Variants in CRYBB2 observed in about 807,000 individuals in gnomAD.
The protein encoded by CRYBB2 is crystallin beta B2.
A neutral mutation model predicts 24.3 loss-of-function variants in CRYBB2; 12 were observed. The ratio of observed to expected loss-of-function variants is 0.49; its 90% CI spans 0.32 to 0.80. The LOEUF (loss-of-function observed/expected upper bound fraction) is 0.80. CRYBB2 is among the 30% of genes least tolerant of loss of function. The pLI is 0.04. For synonymous variants in CRYBB2, 98 were observed against 101.6 expected (o/e 0.96, Z 0.21); for missense variants, 198 against 268.5 (o/e 0.74, Z 1.83).
At chr22:25,218,753 G>T (rs1241101479), upstream of CRYBB2, among the ~76,000 whole-genome samples, 1 of 31,914 alleles carries the variant, frequency 3.1e-5, no homozygotes, top group Non-Finnish European at 5.6e-5. Flanking sequence ...GAGAGAGAGA[G>T]AGAGAGAGAG....
chr22:25,221,767 C>T (rs1935326530), intron 2 of CRYBB2, among the ~76,000 whole-genome samples: 1 of 152,194 alleles, frequency 6.6e-6, no homozygotes, highest in Non-Finnish European at 1.5e-5. Flanking sequence ...ACAGGGCTCC[C>T]TGAAACTGGA....
intron 3 of CRYBB2, among the ~76,000 whole-genome samples, chr22:25,226,166 CTCTGTGTGTGTG>C (rs1569020019): frequency 1.0e-5 from 1 of 99,920 alleles, no homozygotes; most frequent in Non-Finnish European, 2.0e-5. Flanking sequence ...ATTTGGATTT[CTCTGTGTGTGTG>C]TGTGTGTGTG....
intron 2 of CRYBB2, among the ~76,000 whole-genome samples, chr22:25,222,374 T>C (rs937454635): frequency 5.9e-5 from 9 of 152,310 alleles, no homozygotes; most frequent in African/African-American, 2.2e-4. Flanking sequence ...GGGAAGGGGC[T>C]CCTGAGAGTC....
chr22:25,229,258 G>C (rs1935489563), intron 4 of CRYBB2, among the ~76,000 whole-genome samples, 178 bp from the exon 5 acceptor site: 1 of 152,168 alleles, frequency 6.6e-6, no homozygotes. Flanking sequence ...TGGCCCAGTA[G>C]AAACTTAACA....
At chr22:25,226,140 TA>T (rs1198875129) in intron 3 of CRYBB2, among the ~76,000 whole-genome samples, 3 of 151,252 alleles carry the variant, frequency 2.0e-5, no homozygotes, top group Non-Finnish European at 4.4e-5. Context: ...TAACCATTAT[TA>T]AGATTTTGGT....
chr22:25,222,590 T>G (rs1935339991), intron 2 of CRYBB2, among the ~76,000 whole-genome samples: 1 of 151,614 alleles, frequency 6.6e-6, no homozygotes, highest in Non-Finnish European at 1.5e-5. Flanking sequence ...AAATGAAAAA[T>G]GGGGGTCAGG....
At position 25,229,105 on chromosome 22, in the gene CRYBB2, GT is replaced by G. The variant is rs530573264; in HGVS notation, c.307-330del. ...CACATGTGTGGGTGTGCATGTGTGT[GT>G]GTGTGCATGTGTGGGTGTTCACATG... is the stretch of plus-strand genomic sequence containing the variant. On this transcript the variant is annotated intron_variant, in intron 4 of 5. Transcript: ENST00000398215. Among the ~76,000 whole-genome samples the G allele has an allele frequency of 4.4e-3, 664 of 152,246 alleles. 7 individuals are homozygous for G. The highest frequency in any genetic ancestry group is 0.015 in the African/African-American group (625 of 41,546).
chr22:25,217,505 C>T (rs1002932943), upstream of CRYBB2, among the ~76,000 whole-genome samples: 1 of 152,030 alleles, frequency 6.6e-6, no homozygotes, highest in Non-Finnish European at 1.5e-5. Flanking sequence ...TTAGTAGAGA[C>T]GGGGTTTCTC....
At chr22:25,216,536 C>G (rs1370567293), upstream of CRYBB2, among the ~76,000 whole-genome samples, 3 of 152,252 alleles carry the variant, frequency 2.0e-5, no homozygotes, top group East Asian at 1.9e-4. Flanking sequence ...ACCCCTGGAG[C>G]AGGCATGGCC....
At chr22:25,227,605 C>T (rs961449005) in intron 3 of CRYBB2, among the ~76,000 whole-genome samples, 5 of 149,974 alleles carry the variant, frequency 3.3e-5, no homozygotes, top group African/African-American at 7.4e-5. Flanking sequence ...GTTGCTGGGC[C>T]GTTATTTAGA....
intron 3 of CRYBB2, among the ~76,000 whole-genome samples, chr22:25,226,178 G>C (rs200332911): frequency 1.7e-4 from 13 of 77,030 alleles, no homozygotes; most frequent in East Asian, 2.8e-3. Context: ...CTGTGTGTGT[G>C]TGTGTGTGTG....
At chr22:25,230,191 C>T in intron 5 of CRYBB2, among the ~76,000 whole-genome samples, 1 of 148,614 alleles carries the variant, frequency 6.7e-6, no homozygotes, top group Non-Finnish European at 1.5e-5. Context: ...GAGGCGCGCA[C>T]TTTCGCCCTG....
chr22:25,222,334 T>G (rs975724324), intron 2 of CRYBB2, among the ~76,000 whole-genome samples: 2 of 152,070 alleles, frequency 1.3e-5, no homozygotes, highest in African/African-American at 2.4e-5. Flanking sequence ...TTTCCAGTAG[T>G]GAGAAGTGCT....
intron 3 of CRYBB2, among the ~76,000 whole-genome samples, chr22:25,226,089 T>G (rs568557195): frequency 7.9e-5 from 12 of 152,254 alleles, no homozygotes; most frequent in Admixed American, 2.0e-4. Context: ...AGATATGGTT[T>G]AAGGCAAAAA....
chr22:25,227,744 C>G, intron 3 of CRYBB2, 109 bp from the exon 4 acceptor site: 1 of 1,587,314 alleles, frequency 6.3e-7, no homozygotes, highest in Non-Finnish European at 8.6e-7. Flanking sequence ...TACATCTTGC[C>G]GGGCTGGGCA....
At chr22:25,223,611 G>A (rs930801561) in intron 2 of CRYBB2, among the ~76,000 whole-genome samples, 1 of 152,156 alleles carries the variant, frequency 6.6e-6, no homozygotes, top group African/African-American at 2.4e-5. Flanking sequence ...TGTAAAGGCT[G>A]GATTGAGCCC....
chr22:25,219,258 C>T (rs1032901726), upstream of CRYBB2, among the ~76,000 whole-genome samples: 2 of 152,164 alleles, frequency 1.3e-5, no homozygotes, highest in Non-Finnish European at 2.9e-5. Flanking sequence ...ATGAATGAAG[C>T]CCAGACTCTG....
chr22:25,215,811 T>C (rs973984080), upstream of CRYBB2, among the ~76,000 whole-genome samples: 1 of 152,246 alleles, frequency 6.6e-6, no homozygotes, highest in African/African-American at 2.4e-5. Flanking sequence ...CTTAGCTTCC[T>C]TATCTGTATT....
Position 25,229,471 on chromosome 22 carries a change from C to A in CRYBB2, c.342C>A (p.Asn114Lys). ...SQEHKIILYE[N>K]PNFTGKKMEI... ...AGCACAAGATCATCCTCTATGAAAACCCCAACTTCACCGGGAAGAAGATGG... is the reference window on the plus strand; with the variant it reads ...AGCACAAGATCATCCTCTATGAAAAACCCAACTTCACCGGGAAGAAGATGG... The change falls in exon 5 of 6, where the codon AAC (asparagine) becomes AAA (lysine). Residue 114 changes from asparagine to lysine, a missense_variant. Coordinates refer to ENST00000398215, the MANE Select transcript of CRYBB2 (RefSeq NM_000496.3). The A allele has an allele frequency of 6.2e-7, 1 of 1,613,118 alleles. No individual in the cohort carries two copies. Among genetic ancestry groups the A allele is most frequent in the Non-Finnish European group, 8.5e-7 (1 of 1,179,496 alleles).
Sources: gnomAD v4.1 joint callset for allele counts (sites outside exome capture counted in the v4.1 genomes callset) on GRCh38, gnomAD v4.1.1 for gene constraint, MANE v1.5 for transcripts, NCBI Gene and HGNC (gene_info 2026-07-23, HGNC 2026-07-21) for gene names.